Variants in HS3ST4 observed in about 807,000 individuals in gnomAD.
The protein encoded by HS3ST4 is heparan sulfate glucosamine 3-O-sulfotransferase 4.
Under a neutral mutation model 29.2 loss-of-function variants are expected in HS3ST4, and 17 were observed. The ratio of observed to expected loss-of-function variants is 0.58; its 90% CI spans 0.40 to 0.87. The LOEUF (loss-of-function observed/expected upper bound fraction) is 0.87, where lower values mean the gene tolerates loss of function less well. Ranked by LOEUF, HS3ST4 falls within the 40% of genes least tolerant of loss-of-function variation. HS3ST4 has a pLI of 0.00. For synonymous variants in HS3ST4, 314 were observed against 285.7 expected, an observed-to-expected ratio of 1.10 and a Z score of -1.00; for missense variants, 627 against 634.5, an observed-to-expected ratio of 0.99 and a Z score of 0.13.
rs150869446 is a variant in HS3ST4 at position 26,051,723 on chromosome 16, T to G, written c.735-83889T>G. 1.1e-3 allele frequency among the ~76,000 whole-genome samples: 164 copies of G among 151,230 alleles called. 1 individual carries two copies. In the East Asian group the frequency reaches 0.029, roughly 27 times the overall value. ...CTTTTGGTCTTTCTCTAATCTCTTT[T>G]ATTGCCTCCCTCTCTGTTTTCTGTT... On this transcript the variant is annotated intron_variant, in intron 1 of 1. Coordinates refer to ENST00000331351, the MANE Select transcript of HS3ST4 (RefSeq NM_006040.3).
rs556149924 is a variant in HS3ST4, at chr16:25,771,124, T to A, written c.734+77973T>A. ...CACATGCATTAGCTATTTGTCCTAA[T>A]GCTCTCCCTTCCCTTGCCCCCCACA... On this transcript the variant is annotated intron_variant, in intron 1 of 1. Transcript: ENST00000331351. Among the ~76,000 whole-genome samples the A allele has an allele frequency of 4.6e-4, 70 of 152,298 alleles. No homozygotes were observed. In the South Asian group the frequency reaches 8.3e-3, roughly 18 times the overall value.
intron 1 of HS3ST4, among the ~76,000 whole-genome samples, chr16:25,918,655 C>T (rs111475697): frequency 0.07 from 10,652 of 152,214 alleles, 527 homozygotes; most frequent in Non-Finnish European, 0.097. Context: ...CCTGGTTCAT[C>T]GGAGGAATAA....
intron 1 of HS3ST4, among the ~76,000 whole-genome samples, chr16:25,761,283 A>C (rs918553269): frequency 6.6e-6 from 1 of 152,216 alleles, no homozygotes; most frequent in Non-Finnish European, 1.5e-5. Context: ...TCAATAGGAC[A>C]TTCTGTGAGA....
In HS3ST4 at chr16:25,693,190, G is replaced by C; in HGVS notation, c.734+39G>C. 3 of 1,507,090 alleles carry C rather than the reference G, an allele frequency of 2.0e-6. No homozygotes were observed. The South Asian group carries it at 4.0e-5, about 20-fold the overall frequency. 93.4% of individuals were successfully genotyped at this position (1,507,090 alleles called of 1,614,324 possible). A position where few individuals can be genotyped will look rare whatever the true frequency, so the allele number is the denominator to read the frequency against. On this transcript the variant is annotated intron_variant, in intron 1 of 1. Transcript: ENST00000331351. ...CTCCGCGGGCTGGTGGAGACGCGTG[G>C]GGGAGACGCGGAGGGGAAGCCGCGG...
chr16:26,032,926 G>A lies in HS3ST4; in HGVS notation c.735-102686G>A, dbSNP rs139436868. ...CTCTTCTTCACACTGCTCCGGAGGCGTGTTTTAAGACTGATTTAGATTCAG... is the reference window on the plus strand; with the variant it reads ...CTCTTCTTCACACTGCTCCGGAGGCATGTTTTAAGACTGATTTAGATTCAG... On this transcript the variant is annotated intron_variant, in intron 1 of 1. Coordinates refer to ENST00000331351, the MANE Select transcript of HS3ST4 (RefSeq NM_006040.3). 6.8e-4 allele frequency: 550 copies of A among 814,630 alleles called. 2 individuals are homozygous for A. In the African/African-American group the frequency reaches 8.0e-3, roughly 12 times the overall value. The allele number at this position is 814,630 out of a possible 1,614,324, so 50.5% of individuals were successfully genotyped here.
intron 1 of HS3ST4, among the ~76,000 whole-genome samples, chr16:25,707,750 C>T (rs183998505): frequency 2.0e-5 from 3 of 152,324 alleles, no homozygotes; most frequent in Admixed American, 2.0e-4. Context: ...CCTTGCTGTA[C>T]CTGAGAAGTC....
At chr16:25,831,396 TACACACACACACACACACACAC>T (rs58851793) in intron 1 of HS3ST4, among the ~76,000 whole-genome samples, 12 of 126,074 alleles carry the variant, frequency 9.5e-5, no homozygotes, top group African/African-American at 2.8e-4. Flanking sequence ...ACCCCGTCTC[TACACACACACACACACACACAC>T]ACACACACAC....
intron 1 of HS3ST4, among the ~76,000 whole-genome samples, chr16:26,091,397 C>T (rs7201460): frequency 0.54 from 82,146 of 151,958 alleles, 22,949 homozygotes; most frequent in African/African-American, 0.67. Flanking sequence ...GAGTATAAAT[C>T]GTGCCCAATC....
intron 1 of HS3ST4, chr16:26,062,610 G>GTTTTT (rs113098168): frequency 7.0e-5 from 10 of 143,786 alleles, no homozygotes; most frequent in African/African-American, 2.3e-4. Context: ...TATTGGTATA[G>GTTTTT]TTTTTTTTTT....
intron 1 of HS3ST4, among the ~76,000 whole-genome samples, chr16:26,064,125 A>T (rs1054639166): frequency 3.3e-5 from 5 of 152,160 alleles, no homozygotes; most frequent in Non-Finnish European, 7.4e-5. Context: ...GTTGGGGGCT[A>T]TGGTGAGCCA....
Position 25,860,665 on chromosome 16 carries a change from G to C in HS3ST4, c.734+167514G>C, listed in dbSNP as rs147672108. Among the ~76,000 whole-genome samples, 85 of 152,272 alleles carry C rather than the reference G, an allele frequency of 5.6e-4. 1 individual carries two copies. Among genetic ancestry groups the C allele is most frequent in the African/African-American group, 1.9e-3 (81 of 41,564 alleles). ...CTGACTGCATGACATTCTGGATATG[G>C]CAAAACTATAGAGATAGTAAAATGA... On this transcript the variant is annotated intron_variant, in intron 1 of 1. Transcript: ENST00000331351.
intron 1 of HS3ST4, among the ~76,000 whole-genome samples, chr16:25,943,753 A>C (rs1968597469): frequency 6.6e-6 from 1 of 152,160 alleles, no homozygotes; most frequent in African/African-American, 2.4e-5. Flanking sequence ...ACCATTTTAC[A>C]ATTTTCCAAG....
chr16:26,124,872 T>TGAG, intron 1 of HS3ST4, among the ~76,000 whole-genome samples: 6 of 152,256 alleles, frequency 3.9e-5, no homozygotes, highest in Non-Finnish European at 7.3e-5. Context: ...GCCAACCTGC[T>TGAG]GTAGAGGTGA....
chr16:25,839,688 C>T (rs914923238), intron 1 of HS3ST4, among the ~76,000 whole-genome samples: 1 of 152,024 alleles, frequency 6.6e-6, no homozygotes, highest in Non-Finnish European at 1.5e-5. Context: ...GTGAATATCG[C>T]TCTTCACTGT....
chr16:25,720,383 G>C (rs1363583603), intron 1 of HS3ST4, among the ~76,000 whole-genome samples: 1 of 152,058 alleles, frequency 6.6e-6, no homozygotes, highest in African/African-American at 2.4e-5. Flanking sequence ...TTGAACAGAA[G>C]GTATACATGA....
At chr16:25,836,012 A>G (rs1051500608) in intron 1 of HS3ST4, among the ~76,000 whole-genome samples, 6 of 152,152 alleles carry the variant, frequency 3.9e-5, no homozygotes, top group Non-Finnish European at 7.3e-5. Flanking sequence ...GGCGGAAATC[A>G]TAGTCATGTC....
chr16:25,964,697 C>T (rs574774400), intron 1 of HS3ST4, among the ~76,000 whole-genome samples: 3 of 152,158 alleles, frequency 2.0e-5, no homozygotes, highest in Non-Finnish European at 4.4e-5. Flanking sequence ...GACAATTAAT[C>T]AGTACAATGA....
At chr16:25,976,632 G>T (rs1170777582) in intron 1 of HS3ST4, among the ~76,000 whole-genome samples, 1 of 152,198 alleles carries the variant, frequency 6.6e-6, no homozygotes, top group East Asian at 1.9e-4. Flanking sequence ...CAGCTCTGCT[G>T]CATACCAGCT....
At chr16:26,103,872 T>A (rs539220765) in intron 1 of HS3ST4, among the ~76,000 whole-genome samples, 7 of 152,294 alleles carry the variant, frequency 4.6e-5, no homozygotes, top group Admixed American at 1.3e-4. Flanking sequence ...GTAGATAAAA[T>A]ATAAGACAAC....
Sources: gnomAD v4.1 joint callset for allele counts (sites outside exome capture counted in the v4.1 genomes callset) on GRCh38, gnomAD v4.1.1 for gene constraint, MANE v1.5 for transcripts, NCBI Gene and HGNC (gene_info 2026-07-23, HGNC 2026-07-21) for gene names.